Variants in ATP2C1 observed in about 807,000 individuals in gnomAD.
The protein encoded by ATP2C1 is calcium-transporting ATPase type 2C member 1.
A neutral mutation model predicts 120.5 loss-of-function variants in ATP2C1; 31 were observed. That is an observed-to-expected ratio of 0.26 (90% CI 0.19 to 0.35). The LOEUF (loss-of-function observed/expected upper bound fraction) is 0.35. ATP2C1 is among the 10% of genes least tolerant of loss of function. The pLI, the probability that ATP2C1 is intolerant of heterozygous loss-of-function variation, is 1.00. For missense variants in ATP2C1, 731 were observed against 1,107.5 expected, an observed-to-expected ratio of 0.66 and a Z score of 4.83; for synonymous variants, 351 against 358.7, an observed-to-expected ratio of 0.98 and a Z score of 0.24.
chr3:130,955,258 ATGT>A (rs1206688746), intron 10 of ATP2C1, among the ~76,000 whole-genome samples, 178 bp downstream of exon 10: 5 of 152,096 alleles, frequency 3.3e-5, no homozygotes, highest in Non-Finnish European at 5.9e-5. Context: ...GTCTAAATTG[ATGT>A]TGTTAGTATT....
chr3:130,950,004 G>A (rs999426310), intron 8 of ATP2C1, among the ~76,000 whole-genome samples: 3 of 152,054 alleles, frequency 2.0e-5, no homozygotes, highest in African/African-American at 4.8e-5. Context: ...ATGTCAAACC[G>A]TTCTTTAGCT....
At chr3:130,978,894 A>T (rs1314896472) in intron 18 of ATP2C1, among the ~76,000 whole-genome samples, 1 of 152,170 alleles carries the variant, frequency 6.6e-6, no homozygotes, top group African/African-American at 2.4e-5. Flanking sequence ...AGCCTAACAA[A>T]CCCATAGTTT....
intron 26 of ATP2C1, among the ~76,000 whole-genome samples, chr3:131,014,542 G>C (rs1267563952): frequency 1.3e-5 from 2 of 152,154 alleles, no homozygotes; most frequent in African/African-American, 2.4e-5. Flanking sequence ...TCTGTTCTTT[G>C]AAGGAAGGAA....
intron 17 of ATP2C1, among the ~76,000 whole-genome samples, chr3:130,972,029 C>G (rs1009627974): frequency 6.6e-6 from 1 of 152,158 alleles, no homozygotes; most frequent in East Asian, 1.9e-4. Context: ...GCACCAGGGA[C>G]TGGTTTCCTG....
At chr3:131,000,262 A>G (rs944844263) in intron 27 of ATP2C1, among the ~76,000 whole-genome samples, 8 of 152,150 alleles carry the variant, frequency 5.3e-5, no homozygotes, top group African/African-American at 1.9e-4. Flanking sequence ...TGAGTTCTCA[A>G]TTTGGGTATT....
intron 8 of ATP2C1, among the ~76,000 whole-genome samples, chr3:130,949,195 TCAAA>T (rs2060268323): frequency 1.3e-5 from 2 of 152,298 alleles, no homozygotes; most frequent in South Asian, 4.1e-4. Flanking sequence ...GCCTCTTGCC[TCAAA>T]CAATTAGCCA....
At chr3:130,928,397 G>C (rs190969499) in intron 2 of ATP2C1, 1 of 152,256 alleles carries the variant, frequency 6.6e-6, no homozygotes, top group East Asian at 1.9e-4. Flanking sequence ...TGAGCCCATG[G>C]AATACCCCCA....
intron 2 of ATP2C1, among the ~76,000 whole-genome samples, chr3:130,919,624 A>G (rs1381163385): frequency 6.6e-6 from 1 of 152,206 alleles, no homozygotes; most frequent in Admixed American, 6.5e-5. Context: ...AGCTATCACT[A>G]TCACATTGTG....
chr3:130,941,837 CTT>C lies in ATP2C1; in HGVS notation c.531+147_531+148del, dbSNP rs537999689. The stretch of plus-strand genomic sequence containing the variant: ...TACTTTAAAATGTGACATATATAAA[CTT>C]TTTTTTTTCCTTAAAATGTATCTGT... On this transcript the variant is annotated intron_variant, in intron 8 of 27. Transcript: ENST00000510168. The C allele has an allele frequency of 6.9e-4, 491 of 708,764 alleles. 2 individuals carry two copies. The highest frequency in any genetic ancestry group is 5.2e-3 in the African/African-American group (283 of 54,934). 43.9% of individuals were successfully genotyped at this position (708,764 alleles called of 1,614,324 possible).
chr3:130,979,090 A>G (rs934140167), intron 18 of ATP2C1, among the ~76,000 whole-genome samples, 159 bp from the exon 19 acceptor site: 6 of 152,170 alleles, frequency 3.9e-5, no homozygotes, highest in African/African-American at 1.4e-4. Flanking sequence ...ATTAAACTAT[A>G]ATGTTTTGGT....
chr3:130,948,019 C>A (rs1478600372), intron 8 of ATP2C1, among the ~76,000 whole-genome samples: 1 of 152,056 alleles, frequency 6.6e-6, no homozygotes, highest in Non-Finnish European at 1.5e-5. Context: ...ATTCTGTGCC[C>A]ATTAATATAG....
chr3:130,937,509 T>A, intron 6 of ATP2C1, 46 bp downstream of exon 6: 2 of 1,538,584 alleles, frequency 1.3e-6, no homozygotes, highest in East Asian at 4.5e-5. Context: ...GTTAATTGCT[T>A]AAAAATCAAG....
intron 2 of ATP2C1, among the ~76,000 whole-genome samples, chr3:130,921,476 A>C (rs2058964203): frequency 6.6e-6 from 1 of 152,062 alleles, no homozygotes; most frequent in Non-Finnish European, 1.5e-5. Context: ...TTTGGCTAGG[A>C]TTTCCAGTAC....
At chr3:130,919,696 T>C (rs1230264408) in intron 2 of ATP2C1, among the ~76,000 whole-genome samples, 1 of 152,200 alleles carries the variant, frequency 6.6e-6, no homozygotes, top group African/African-American at 2.4e-5. Context: ...TTCATTCTTT[T>C]GGATAAATAC....
Position 130,955,018 on chromosome 3 carries a change from G to C in ATP2C1, c.694G>C (p.Val232Leu). ...TTCCTGTTTTTCCCCTTAGGGTGTT[G>C]TCATTGGAACAGGAGAAAATTCTGA... ...LVRCGKAKGVVIGTGENSEFG... is the reference protein window; with the variant it reads ...LVRCGKAKGVLIGTGENSEFG... Residue 232 changes from valine to leucine, a missense_variant, in exon 10 of 28, where the codon GTC becomes CTC. Around this residue, in one of 3 missense-constraint regions of ATP2C1, gnomAD observed 571 missense variants for 845.9 expected, o/e 0.67. Coordinates refer to ENST00000510168, the MANE Select transcript of ATP2C1 (RefSeq NM_001378687.1). The C allele has an allele frequency of 1.2e-6, 2 of 1,611,872 alleles. No homozygotes were observed. Among genetic ancestry groups the C allele is most frequent in the Non-Finnish European group, 1.7e-6 (2 of 1,178,314 alleles).
intron 6 of ATP2C1, among the ~76,000 whole-genome samples, chr3:130,940,132 G>C (rs1397951001): frequency 1.3e-5 from 2 of 152,198 alleles, no homozygotes; most frequent in Non-Finnish European, 2.9e-5. Context: ...GGGTCTGTCA[G>C]TATAGAGCCA....
In ATP2C1 at chr3:130,996,137, A is replaced by G. The variant is rs367781977; in HGVS notation, c.2126+26A>G. 9.9e-6 allele frequency: 15 copies of G among 1,509,546 alleles called. No individual in the cohort carries two copies. The African/African-American group carries it at 2.1e-4, about 21-fold the overall frequency. 93.5% of individuals were successfully genotyped at this position (1,509,546 alleles called of 1,614,324 possible). A position where few individuals can be genotyped will look rare whatever the true frequency, so the allele number is the denominator to read the frequency against. On this transcript the variant is annotated intron_variant, in intron 23 of 27. Transcript: ENST00000510168. Reference sequence around the variant, plus strand: ...GTAAGTTTGCAAGAAATTTGTCACCATGGGTCTTCTGGATAAATTATATGA... The same window carrying G: ...GTAAGTTTGCAAGAAATTTGTCACCGTGGGTCTTCTGGATAAATTATATGA...
chr3:130,925,665 G>T (rs1223457583), intron 2 of ATP2C1, among the ~76,000 whole-genome samples: 1 of 152,158 alleles, frequency 6.6e-6, no homozygotes, highest in African/African-American at 2.4e-5. Context: ...CAGGCAGTGA[G>T]CAGGCCCATA....
At chr3:130,881,904 G>T (rs2068793288) in intron 1 of ATP2C1, among the ~76,000 whole-genome samples, 1 of 152,100 alleles carries the variant, frequency 6.6e-6, no homozygotes, top group Non-Finnish European at 1.5e-5. Flanking sequence ...TGTTGATTTT[G>T]TGTCCTGCAA....
Sources: allele counts gnomAD v4.1 joint callset (sites outside exome capture counted in the v4.1 genomes callset), GRCh38; gene constraint gnomAD v4.1.1; regional missense constraint gnomAD v4.1.1; transcripts MANE v1.5; gene names NCBI Gene and HGNC (gene_info 2026-07-23, HGNC 2026-07-21).